The following RAB28 variants were observed in gnomAD, a reference collection of about 807,000 sequenced individuals.
The protein encoded by RAB28 is RAB28, member RAS oncogene family, also known as ras-related protein Rab-28.
Under a neutral mutation model 31.7 loss-of-function variants are expected in RAB28, and 24 were observed. The observed-to-expected ratio is 0.76, with a 90% CI of 0.55 to 1.06. RAB28 has a LOEUF of 1.06. Among genes scored for constraint, RAB28 ranks in the 50% least tolerant of loss-of-function variants. The probability of loss-of-function intolerance (pLI) is 0.00; values close to 1 mark genes in which losing one functional copy is unlikely to be tolerated. For synonymous variants in RAB28, 100 were observed against 90.4 expected (o/e 1.11, Z -0.60); for missense variants, 254 against 258.5 (o/e 0.98, Z 0.12).
At chr4:13,429,708 C>A (rs1380231210) in intron 4 of RAB28, among the ~76,000 whole-genome samples, 1 of 152,180 alleles carries the variant, frequency 6.6e-6, no homozygotes, top group Non-Finnish European at 1.5e-5. Flanking sequence ...TATTCCCCAA[C>A]TGATCTACAG....
At chr4:13,372,676 A>G (rs1728761437) in intron 6 of RAB28, among the ~76,000 whole-genome samples, 1 of 152,122 alleles carries the variant, frequency 6.6e-6, no homozygotes, top group African/African-American at 2.4e-5. Flanking sequence ...ATCCCAGTAC[A>G]GTTTTAATAA....
At chr4:13,451,396 G>C (rs191222722) in intron 4 of RAB28, among the ~76,000 whole-genome samples, 8 of 146,010 alleles carry the variant, frequency 5.5e-5, no homozygotes, top group African/African-American at 2.1e-4. Context: ...TTTTGGGGTG[G>C]GTTTTTTTTT....
At chr4:13,369,436 T>C (rs920126888) in intron 6 of RAB28, among the ~76,000 whole-genome samples, 4 of 152,140 alleles carry the variant, frequency 2.6e-5, no homozygotes, top group South Asian at 2.1e-4. Context: ...AGTAATACTT[T>C]AAAACAAATC....
At chr4:13,411,296 T>C (rs1712428923) in intron 4 of RAB28, among the ~76,000 whole-genome samples, 1 of 152,120 alleles carries the variant, frequency 6.6e-6, no homozygotes, top group African/African-American at 2.4e-5. Flanking sequence ...CATTAATTAA[T>C]ACAACTTTTG....
rs527388449 is a variant in RAB28 at position 13,440,169 on chromosome 4, A to G, written c.391+20530T>C. Among the ~76,000 whole-genome samples, 6 of 152,318 alleles carry G rather than the reference A, an allele frequency of 3.9e-5. No individual in the cohort carries two copies. In the East Asian group the frequency reaches 1.2e-3, roughly 29 times the overall value. ...ATTTATTGTGTCCAATAGATTCTTAATTTATACCTCATCTTCCAAAAATAA... is the reference window on the plus strand; with the variant it reads ...ATTTATTGTGTCCAATAGATTCTTAGTTTATACCTCATCTTCCAAAAATAA... On this transcript the variant is annotated intron_variant, in intron 4 of 6. Coordinates refer to ENST00000330852, the MANE Select transcript of RAB28 (RefSeq NM_001017979.3).
chr4:13,456,494 T>C (rs1416788705), intron 4 of RAB28, among the ~76,000 whole-genome samples: 2 of 152,188 alleles, frequency 1.3e-5, no homozygotes. Flanking sequence ...TTATCCAACA[T>C]AAACTATTAC....
intron 4 of RAB28, among the ~76,000 whole-genome samples, chr4:13,435,890 A>T (rs1407517306): frequency 6.6e-6 from 1 of 152,172 alleles, no homozygotes; most frequent in Non-Finnish European, 1.5e-5. Context: ...TATCGTCCTG[A>T]TAACAAAATG....
At position 13,484,291 on chromosome 4, in the gene RAB28, G is replaced by C; in HGVS notation, c.-141C>G. On this transcript the variant is annotated 5_prime_UTR_variant, in exon 1 of 7. Coordinates refer to ENST00000330852, the MANE Select transcript of RAB28 (RefSeq NM_001017979.3). ...GTCTCCGCGCCGGCAGGAGGTATTC[G>C]AGGAGAATCACTCGGCAAGCGCCAT... The C allele has an allele frequency of 4.5e-6, 3 of 663,976 alleles. No individual in the cohort carries two copies. Among genetic ancestry groups the C allele is most frequent in the Non-Finnish European group, 5.5e-6 (2 of 364,426 alleles). 41.1% of individuals were successfully genotyped at this position (663,976 alleles called of 1,614,324 possible).
chr4:13,416,323 G>A (rs191430122), intron 4 of RAB28, among the ~76,000 whole-genome samples: 6 of 152,144 alleles, frequency 3.9e-5, no homozygotes, highest in South Asian at 2.1e-4. Flanking sequence ...CTGAGCCAGC[G>A]AGACCACAAA....
intron 4 of RAB28, among the ~76,000 whole-genome samples, chr4:13,397,475 G>A (rs6848905): frequency 0.02 from 2,999 of 151,978 alleles, 104 homozygotes; most frequent in African/African-American, 0.068. Context: ...TAAAACAGAA[G>A]AACATATATA....
intron 4 of RAB28, among the ~76,000 whole-genome samples, chr4:13,431,967 A>G (rs1338176183): frequency 6.6e-6 from 1 of 152,162 alleles, no homozygotes; most frequent in Non-Finnish European, 1.5e-5. Flanking sequence ...CTCAAATAAC[A>G]GATGAAAAAT....
intron 4 of RAB28, among the ~76,000 whole-genome samples, chr4:13,397,735 C>A (rs1215025758): frequency 6.6e-6 from 1 of 151,956 alleles, no homozygotes; most frequent in Non-Finnish European, 1.5e-5. Context: ...ATGAAACTTG[C>A]GGATTTTCTC....
At chr4:13,438,936 C>G (rs1177271764) in intron 4 of RAB28, among the ~76,000 whole-genome samples, 1 of 152,084 alleles carries the variant, frequency 6.6e-6, no homozygotes, top group East Asian at 1.9e-4. Context: ...CTCACCAGCA[C>G]TTGTTATTCT....
chr4:13,447,859 G>A (rs1208983434), intron 4 of RAB28, among the ~76,000 whole-genome samples: 1 of 152,086 alleles, frequency 6.6e-6, no homozygotes, highest in Non-Finnish European at 1.5e-5. Context: ...AGAAGACAAG[G>A]TTTAAACTAC....
intron 4 of RAB28, among the ~76,000 whole-genome samples, chr4:13,408,661 A>T (rs569390423): frequency 6.6e-6 from 1 of 152,270 alleles, no homozygotes; most frequent in East Asian, 1.9e-4. Context: ...TGCAAAAAAA[A>T]TGAAAAAAAT....
intron 4 of RAB28, among the ~76,000 whole-genome samples, chr4:13,440,555 T>A (rs1488592996): frequency 1.3e-5 from 2 of 152,158 alleles, no homozygotes; most frequent in Admixed American, 1.3e-4. Flanking sequence ...TATTTTTGGT[T>A]TCCTCGTTAG....
intron 6 of RAB28, chr4:13,370,031 A>C (rs1256513598): frequency 3.8e-6 from 6 of 1,563,484 alleles, no homozygotes; most frequent in Non-Finnish European, 5.2e-6. Flanking sequence ...GACAAAATGG[A>C]AAGTATGTTC....
chr4:13,381,622 A>T, intron 4 of RAB28, 28 bp from the exon 5 acceptor site: 2 of 1,516,586 alleles, frequency 1.3e-6, no homozygotes. Context: ...AAAGAAAATA[A>T]TTCAATATTA....
At chr4:13,408,153 A>C (rs1712210264) in intron 4 of RAB28, among the ~76,000 whole-genome samples, 1 of 152,164 alleles carries the variant, frequency 6.6e-6, no homozygotes, top group Non-Finnish European at 1.5e-5. Context: ...TGGGTTTGTC[A>C]TAAATAGCTC....
Sources: gnomAD v4.1 joint callset for allele counts (sites outside exome capture counted in the v4.1 genomes callset) on GRCh38, gnomAD v4.1.1 for gene constraint, MANE v1.5 for transcripts, NCBI Gene and HGNC (gene_info 2026-07-23, HGNC 2026-07-21) for gene names.